The following FUT9 variants were observed in gnomAD, a reference collection of about 807,000 sequenced individuals.
The protein encoded by FUT9 is 4-galactosyl-N-acetylglucosaminide 3-alpha-L-fucosyltransferase 9.
In FUT9, 15 loss-of-function variants were observed where a neutral mutation model predicts 29.7. That is an observed-to-expected ratio of 0.51 (90% CI 0.34 to 0.78). The LOEUF (loss-of-function observed/expected upper bound fraction) is 0.78, where lower values mean the gene tolerates loss of function less well. Ranked by LOEUF, FUT9 falls within the 30% of genes least tolerant of loss-of-function variation. FUT9 has a pLI of 0.01. For missense variants in FUT9, 319 were observed against 425.4 expected, an observed-to-expected ratio of 0.75 and a Z score of 2.20; for synonymous variants, 169 against 153.7, an observed-to-expected ratio of 1.10 and a Z score of -0.74.
intron 1 of FUT9, among the ~76,000 whole-genome samples, chr6:96,060,252 C>A (rs1473370536): frequency 1.3e-5 from 2 of 152,090 alleles, no homozygotes; most frequent in Non-Finnish European, 2.9e-5. Flanking sequence ...CAAAAAATAT[C>A]TAATATTAGA....
intron 2 of FUT9, among the ~76,000 whole-genome samples, chr6:96,178,327 A>G (rs529042610): frequency 3.8e-4 from 58 of 152,168 alleles, no homozygotes; most frequent in Non-Finnish European, 7.5e-4. Context: ...TCATTTTATG[A>G]AAAGGGGAGA....
chr6:96,017,916 A>G (rs1481942840), intron 1 of FUT9, among the ~76,000 whole-genome samples: 2 of 152,158 alleles, frequency 1.3e-5, no homozygotes, highest in Non-Finnish European at 2.9e-5. Context: ...TTGTTAGTTA[A>G]TATTGCCTTA....
intron 1 of FUT9, among the ~76,000 whole-genome samples, chr6:96,044,289 TG>T (rs1438347734): frequency 6.6e-6 from 1 of 152,232 alleles, no homozygotes; most frequent in African/African-American, 2.4e-5. Context: ...TAAACCTGAC[TG>T]TGATTCTTCA....
At chr6:96,091,847 C>T (rs1283935793) in intron 1 of FUT9, among the ~76,000 whole-genome samples, 1 of 151,980 alleles carries the variant, frequency 6.6e-6, no homozygotes, top group Non-Finnish European at 1.5e-5. Context: ...GTATTACAAG[C>T]AAGTTTTATT....
chr6:96,133,047 GTA>G (rs140754055), intron 2 of FUT9, among the ~76,000 whole-genome samples: 165 of 151,954 alleles, frequency 1.1e-3, no homozygotes, highest in African/African-American at 3.6e-3. Flanking sequence ...CCTGAGTAGT[GTA>G]CACCGTACCC....
At position 96,129,283 on chromosome 6, in the gene FUT9, AAAAAAAAAAC is replaced by A. The variant is rs1278176882; in HGVS notation, c.-9+15160_-9+15169del. Among the ~76,000 whole-genome samples the A allele has an allele frequency of 4.5e-3, 46 of 10,216 alleles. 2 individuals carry two copies. Among genetic ancestry groups the A allele is most frequent in the Non-Finnish European group, 8.5e-3 (17 of 2,000 alleles). The allele number at this position is 10,216 out of a possible 152,430, so 6.7% of individuals were successfully genotyped here. On this transcript the variant is annotated intron_variant, in intron 2 of 2. Transcript: ENST00000302103. The stretch of plus-strand genomic sequence containing the variant: ...CTGTCTCAAAAAAAAAAAAAAAAAA[AAAAAAAAAAC>A]AAACAACCAGCCATGGTGGCATGTG...
chr6:96,167,347 T>A (rs1773033144), intron 2 of FUT9, among the ~76,000 whole-genome samples: 1 of 152,086 alleles, frequency 6.6e-6, no homozygotes, highest in African/African-American at 2.4e-5. Flanking sequence ...ATAAAGCCAA[T>A]AATGAGCAAA....
rs953876746 is a variant in FUT9 at position 96,026,174 on chromosome 6, A to G, written c.-98+9962A>G. 1.1e-4 allele frequency among the ~76,000 whole-genome samples: 16 copies of G among 151,828 alleles called. No homozygotes were observed. The East Asian group carries it at 2.9e-3, about 28-fold the overall frequency. Reference sequence around the variant, plus strand: ...AAGATGTGCAAAATGTGAAAGACCCATGGAAAATTGTCTCCCAGTAGTGAC... The same window carrying G: ...AAGATGTGCAAAATGTGAAAGACCCGTGGAAAATTGTCTCCCAGTAGTGAC... On this transcript the variant is annotated intron_variant, in intron 1 of 2. Coordinates refer to ENST00000302103, the MANE Select transcript of FUT9 (RefSeq NM_006581.4).
Position 96,212,176 on chromosome 6 carries a change from A to G in FUT9, c.*7941A>G. The G allele has an allele frequency of 2.4e-6, 1 of 412,638 alleles. No individual in the cohort carries two copies. Among genetic ancestry groups the G allele is most frequent in the Non-Finnish European group, 4.4e-6 (1 of 225,650 alleles). The allele number at this position is 412,638 out of a possible 1,614,324, so 25.6% of individuals were successfully genotyped here. A position where few individuals can be genotyped will look rare whatever the true frequency, so the allele number is the denominator to read the frequency against. The stretch of plus-strand genomic sequence containing the variant: ...TCATTATGTGAGAAATATGGGCCAG[A>G]GTTACAATATCACATCTCCAGTCTC... On this transcript the variant is annotated 3_prime_UTR_variant, in exon 3 of 3. Coordinates refer to ENST00000302103, the MANE Select transcript of FUT9 (RefSeq NM_006581.4).
intron 2 of FUT9, among the ~76,000 whole-genome samples, chr6:96,133,689 C>T (rs969937672): frequency 1.2e-4 from 18 of 151,922 alleles, no homozygotes; most frequent in African/African-American, 3.9e-4. Context: ...GTAAACTATT[C>T]GGTTAACCCC....
At chr6:96,097,729 A>G (rs904389300) in intron 1 of FUT9, among the ~76,000 whole-genome samples, 1 of 152,128 alleles carries the variant, frequency 6.6e-6, no homozygotes, top group Admixed American at 6.5e-5. Flanking sequence ...ATGGGATAAT[A>G]AAAAATACGG....
chr6:96,039,497 A>T (rs1770417879), intron 1 of FUT9, among the ~76,000 whole-genome samples: 3 of 151,750 alleles, frequency 2.0e-5, no homozygotes, highest in South Asian at 4.2e-4. Flanking sequence ...ATTTTTCTTC[A>T]TTCTGTCTCT....
At chr6:96,153,243 T>G (rs1772714603) in intron 2 of FUT9, among the ~76,000 whole-genome samples, 1 of 152,186 alleles carries the variant, frequency 6.6e-6, no homozygotes, top group Admixed American at 6.5e-5. Flanking sequence ...CATCAGAAAT[T>G]GAACAGCCTA....
rs765684352 is a variant in FUT9, at chr6:96,203,487, G to A, written c.332G>A (p.Arg111Gln). The change falls in exon 3 of 3, where the codon CGA becomes CAA. Residue 111 changes from arginine (R) to glutamine (Q), a missense_variant. Arg to Gln is a conservative substitution (Grantham distance 43). Coordinates refer to ENST00000302103, the MANE Select transcript of FUT9 (RefSeq NM_006581.4). ...TCCCATGCAGTTCTGATCCATCACC[G>A]AGACATCAGTTGGGATCTGACAAAT... Reference protein sequence around the residue: ...NKSHAVLIHHRDISWDLTNLP... With the variant: ...NKSHAVLIHHQDISWDLTNLP... 28 of 1,611,050 alleles carry A rather than the reference G, an allele frequency of 1.7e-5. No homozygotes were observed. Among genetic ancestry groups the A allele is most frequent in the Non-Finnish European group, 2.1e-5 (25 of 1,178,466 alleles).
chr6:96,153,225 T>C (rs899432649), intron 2 of FUT9, among the ~76,000 whole-genome samples: 48 of 152,284 alleles, frequency 3.2e-4, no homozygotes, highest in African/African-American at 1.1e-3. Flanking sequence ...TAAACAACTT[T>C]TGAAGAGCAT....
intron 1 of FUT9, among the ~76,000 whole-genome samples, chr6:96,110,072 T>A (rs9390860): frequency 0.91 from 138,895 of 152,238 alleles, 64,405 homozygotes; most frequent in East Asian, 1. Flanking sequence ...CTTCAACTCA[T>A]ACATGACCTC....
At position 96,215,463 on chromosome 6, in the gene FUT9, C is replaced by T. The variant is rs1204701284; in HGVS notation, c.*11228C>T. 1.2e-5 allele frequency: 2 copies of T among 166,772 alleles called. No homozygotes were observed. Among genetic ancestry groups the T allele is most frequent in the Non-Finnish European group, 1.5e-5 (1 of 68,096 alleles). The allele number at this position is 166,772 out of a possible 1,614,324, so 10.3% of individuals were successfully genotyped here. On this transcript the variant is annotated 3_prime_UTR_variant, in exon 3 of 3. Transcript: ENST00000302103. ...CTGTATGTGTAAGAAGAAACTCTCT[C>T]TTCAGTCATATTTCCTAAATTCAGT... is the stretch of plus-strand genomic sequence containing the variant.
intron 2 of FUT9, among the ~76,000 whole-genome samples, chr6:96,126,000 A>G (rs1772126878): frequency 6.6e-6 from 1 of 152,112 alleles, no homozygotes; most frequent in Non-Finnish European, 1.5e-5. Context: ...GTTGACCTCA[A>G]TTCCTGTTTT....
chr6:96,074,743 CA>C (rs1433619055), intron 1 of FUT9, among the ~76,000 whole-genome samples: 1 of 151,928 alleles, frequency 6.6e-6, no homozygotes, highest in African/African-American at 2.4e-5. Context: ...AAAATATAGG[CA>C]ATAAAGTAAT....
Sources: allele counts gnomAD v4.1 joint callset (sites outside exome capture counted in the v4.1 genomes callset), GRCh38; gene constraint gnomAD v4.1.1; transcripts MANE v1.5; gene names NCBI Gene and HGNC (gene_info 2026-07-23, HGNC 2026-07-21).